The following LMTK2 variants were observed in gnomAD, a reference collection of about 807,000 sequenced individuals.
LMTK2 encodes lemur tail kinase 2.
In LMTK2, 37 loss-of-function variants were observed where a neutral mutation model predicts 127.5. The observed-to-expected ratio is 0.29, with a 90% CI of 0.22 to 0.38. The LOEUF (loss-of-function observed/expected upper bound fraction) is 0.38, where lower values mean the gene tolerates loss of function less well. LMTK2 is among the 10% of genes least tolerant of loss of function. The probability of loss-of-function intolerance (pLI) is 1.00; values close to 1 mark genes in which losing one functional copy is unlikely to be tolerated. For missense variants in LMTK2, 1,694 were observed against 1,920.3 expected, an observed-to-expected ratio of 0.88 and a Z score of 2.20; for synonymous variants, 819 against 810.1, an observed-to-expected ratio of 1.01 and a Z score of -0.19.
rs1362442412 is a variant in LMTK2, at chr7:98,191,760, A to G, written c.1295A>G (p.Asn432Ser). The change falls in exon 11 of 14, where the codon AAC becomes AGC. Residue 432 changes from asparagine (N) to serine (S), a missense_variant. This residue lies in a region of LMTK2 where 216 missense variants were observed against 266.8 expected (regional missense o/e 0.81). Transcript: ENST00000297293. ...FEQQWNALKP[N>S]TNSRDSSNNA... is the part of the protein sequence containing the mutation. ...CAGCAGTGGAACGCTCTGAAGCCGAACACAAACAGCAGAGACTCCTCCAAC... is the reference window on the plus strand; with the variant it reads ...CAGCAGTGGAACGCTCTGAAGCCGAGCACAAACAGCAGAGACTCCTCCAAC... 1.2e-6 allele frequency: 2 copies of G among 1,614,202 alleles called. No homozygotes were observed. Among genetic ancestry groups the G allele is most frequent in the East Asian group, 2.2e-5 (1 of 44,870 alleles).
chr7:98,140,520 G>A (rs980447901), intron 2 of LMTK2, among the ~76,000 whole-genome samples: 2 of 151,940 alleles, frequency 1.3e-5, no homozygotes, highest in South Asian at 2.1e-4. Flanking sequence ...ACACTTATGC[G>A]TCACATGGTT....
intron 13 of LMTK2, 53 bp from the exon 14 acceptor site, chr7:98,205,411 C>G (rs1797775033): frequency 6.2e-7 from 1 of 1,610,666 alleles, no homozygotes; most frequent in Non-Finnish European, 8.5e-7. Flanking sequence ...CCATGCCTGT[C>G]TGATCATTTT....
At position 98,137,453 on chromosome 7, in the gene LMTK2, AG is replaced by A; in HGVS notation, c.231+14del. 6.2e-7 allele frequency: 1 copy of A among 1,608,002 alleles called. No individual in the cohort carries two copies. Among genetic ancestry groups the A allele is most frequent in the Non-Finnish European group, 8.5e-7 (1 of 1,178,054 alleles). ...GAAATAGACTTTAAGGTGAGCACAG[AG>A]GGTAGGAACATTTAAAATGGTCTTC... On this transcript the variant is annotated intron_variant, in intron 2 of 13. Coordinates refer to ENST00000297293, the MANE Select transcript of LMTK2 (RefSeq NM_014916.4).
At chr7:98,143,493 A>G (rs1378112306) in intron 3 of LMTK2, among the ~76,000 whole-genome samples, 1 of 152,248 alleles carries the variant, frequency 6.6e-6, no homozygotes, top group East Asian at 1.9e-4. Flanking sequence ...CGCTACTAGA[A>G]TAAATAAGCT....
rs781725532 is a variant in LMTK2, at chr7:98,154,720, T to G, written c.451-38T>G. Reference sequence around the variant, plus strand: ...AATGCAGCAGACTCCTTTATCATTTTGATGGAAATGACACAAAAAACTGTT... The same window carrying G: ...AATGCAGCAGACTCCTTTATCATTTGGATGGAAATGACACAAAAAACTGTT... On this transcript the variant is annotated intron_variant, in intron 4 of 13. Coordinates refer to ENST00000297293, the MANE Select transcript of LMTK2 (RefSeq NM_014916.4). 3 of 1,319,712 alleles carry G rather than the reference T, an allele frequency of 2.3e-6. No homozygotes were observed. In the South Asian group the frequency reaches 3.6e-5, roughly 16 times the overall value. 81.8% of individuals were successfully genotyped at this position (1,319,712 alleles called of 1,614,324 possible). A position where few individuals can be genotyped will look rare whatever the true frequency, so the allele number is the denominator to read the frequency against.
At position 98,204,153 on chromosome 7, in the gene LMTK2, A is replaced by C. The variant is rs765943929; in HGVS notation, c.4450A>C (p.Thr1484Pro). 6.2e-7 allele frequency: 1 copy of C among 1,607,102 alleles called. No individual in the cohort carries two copies. Among genetic ancestry groups the C allele is most frequent in the Admixed American group, 1.7e-5 (1 of 59,892 alleles). ...SPANIASFSL[T>P]HLTDSDIEQG... ...CGCCAACATTGCCAGCTTTTCCCTC[A>C]CACACCTGACCGACTCGGACATCGA... is the stretch of plus-strand genomic sequence containing the variant. The change falls in exon 13 of 14, where the codon ACA becomes CCA. Residue 1484 changes from threonine (T) to proline (P), a missense_variant. Thr to Pro is a conservative substitution (Grantham distance 38, BLOSUM62 -1). This residue lies in a region of LMTK2 where 554 missense variants were observed against 567.7 expected (regional missense o/e 0.98). Coordinates refer to ENST00000297293, the MANE Select transcript of LMTK2 (RefSeq NM_014916.4).
chr7:98,126,715 T>A (rs1264801298), intron 1 of LMTK2: 2 of 152,250 alleles, frequency 1.3e-5, no homozygotes, highest in Admixed American at 1.3e-4. Context: ...TGGAATAGTC[T>A]GAGAGAAACC....
At chr7:98,120,239 G>A (rs558540461) in intron 1 of LMTK2, among the ~76,000 whole-genome samples, 3 of 152,258 alleles carry the variant, frequency 2.0e-5, no homozygotes, top group South Asian at 2.1e-4. Flanking sequence ...TTATTTAAAA[G>A]TGAAACCACT....
At chr7:98,164,718 G>T (rs768469864) in intron 6 of LMTK2, among the ~76,000 whole-genome samples, 4 of 152,170 alleles carry the variant, frequency 2.6e-5, no homozygotes, top group Non-Finnish European at 4.4e-5. Context: ...GGCGAGGCCA[G>T]CTGGGTCTGT....
intron 2 of LMTK2, 71 bp downstream of exon 2, chr7:98,137,513 C>A (rs935757831): frequency 6.9e-7 from 1 of 1,449,310 alleles, no homozygotes; most frequent in Non-Finnish European, 9.4e-7. Context: ...CTGGATAGCA[C>A]AGTCCTTTGG....
At chr7:98,164,217 T>C (rs1228509522) in intron 6 of LMTK2, among the ~76,000 whole-genome samples, 2 of 151,968 alleles carry the variant, frequency 1.3e-5, no homozygotes, top group Non-Finnish European at 2.9e-5. Flanking sequence ...GACTGTAGGG[T>C]GTTTTATAGA....
At chr7:98,152,874 G>A (rs1458889519) in intron 4 of LMTK2, among the ~76,000 whole-genome samples, 1 of 152,152 alleles carries the variant, frequency 6.6e-6, no homozygotes, top group Non-Finnish European at 1.5e-5. Context: ...GGATGCTAGC[G>A]GTGGAGGTGG....
intron 9 of LMTK2, among the ~76,000 whole-genome samples, chr7:98,188,744 C>G (rs1250183059): frequency 6.6e-6 from 1 of 152,120 alleles, no homozygotes; most frequent in Non-Finnish European, 1.5e-5. Flanking sequence ...TTATCTTTGT[C>G]TTTGGCTTTT....
chr7:98,155,871 T>C (rs896990467), intron 5 of LMTK2, among the ~76,000 whole-genome samples: 25 of 152,166 alleles, frequency 1.6e-4, no homozygotes, highest in African/African-American at 5.8e-4. Flanking sequence ...AAAAGGCTGA[T>C]TGTATCATCA....
Position 98,193,708 on chromosome 7 carries a change from T to C in LMTK2, c.3243T>C (p.Gly1081=), listed in dbSNP as rs779119528. 12 of 1,613,476 alleles carry C rather than the reference T, an allele frequency of 7.4e-6. No individual in the cohort carries two copies. The highest frequency in any genetic ancestry group is 1.6e-4 in the Middle Eastern group (1 of 6,084). ...TTGTCATCTCAGATGCCGGCGATGG[T>C]CACAGAGGCACAGAAGTGACCCCTG... is the stretch of plus-strand genomic sequence containing the variant. ...PVIVISDAGD[G]HRGTEVTPET... is the part of the protein sequence containing the mutation. The change falls in exon 11 of 14, where the codon GGT becomes GGC. Residue 1081 remains glycine, a synonymous_variant. Transcript: ENST00000297293. The surrounding 1 kb of genome is among the most constrained non-coding windows in gnomAD (Gnocchi z 4.1).
At position 98,171,574 on chromosome 7, in the gene LMTK2, G is replaced by A; in HGVS notation, c.691G>A (p.Glu231Lys). 6.2e-7 allele frequency: 1 copy of A among 1,613,902 alleles called. No individual in the cohort carries two copies. The highest frequency in any genetic ancestry group is 1.1e-5 in the South Asian group (1 of 91,066). ...GAAGGCGTATCTGCGCAGCGAGCAG[G>A]AGCACATGCGGGGGGACTCACAGAC... Reference protein sequence around the residue: ...DLKAYLRSEQEHMRGDSQTML... With the variant: ...DLKAYLRSEQKHMRGDSQTML... The change falls in exon 7 of 14, where the codon GAG (glutamate) becomes AAG (lysine). Residue 231 changes from glutamate (E) to lysine (K), a missense_variant. This residue lies in a region of LMTK2 where 203 missense variants were observed against 226.2 expected (regional missense o/e 0.90). Coordinates refer to ENST00000297293, the MANE Select transcript of LMTK2 (RefSeq NM_014916.4). This position sits in a 1 kb window ranked among gnomAD's most constrained non-coding sequence, Gnocchi z 5.1.
chr7:98,199,588 G>C (rs564151357), intron 11 of LMTK2, among the ~76,000 whole-genome samples: 5 of 152,290 alleles, frequency 3.3e-5, no homozygotes, highest in Admixed American at 3.3e-4. Flanking sequence ...TTGAGCTCCT[G>C]GGCTCAAGCA....
At chr7:98,155,071 C>T (rs185988623) in intron 5 of LMTK2, among the ~76,000 whole-genome samples, 195 bp downstream of exon 5, 1 of 152,246 alleles carries the variant, frequency 6.6e-6, no homozygotes, top group Admixed American at 6.5e-5. Context: ...TCAGCCTAAA[C>T]CAGAAAAGAC....
intron 7 of LMTK2, among the ~76,000 whole-genome samples, chr7:98,173,554 A>G (rs1797226685): frequency 6.6e-6 from 1 of 152,228 alleles, no homozygotes. Context: ...AAAAGAGCAT[A>G]ATATTGGAAT....
Sources: allele counts gnomAD v4.1 joint callset (sites outside exome capture counted in the v4.1 genomes callset), GRCh38; gene constraint gnomAD v4.1.1; regional missense constraint gnomAD v4.1.1; non-coding constraint Gnocchi (gnomAD v3.1); transcripts MANE v1.5; gene names NCBI Gene and HGNC (gene_info 2026-07-23, HGNC 2026-07-21).